TAS2R1: variants seen among roughly 807,000 people sequenced by gnomAD.
TAS2R1 encodes the protein taste 2 receptor member 1.
For missense variants in TAS2R1, 370 were observed against 353.4 expected (o/e 1.05, Z -0.38); for synonymous variants, 141 against 134.2 (o/e 1.05, Z -0.35).
chr5:9,866,730 A>G, the TAS2R1 span, among the ~76,000 whole-genome samples: 2 of 152,228 alleles, frequency 1.3e-5, no homozygotes, highest in African/African-American at 4.8e-5. Flanking sequence ...GTGAGACTAC[A>G]AAGAACTTTG....
intron 2 of TAS2R1, among the ~76,000 whole-genome samples, chr5:9,657,689 A>G (rs1025935405): frequency 6.6e-6 from 1 of 152,212 alleles, no homozygotes; most frequent in African/African-American, 2.4e-5. Flanking sequence ...AAGTTCCTAG[A>G]GTAGTTAAAT....
intron 1 of TAS2R1, chr5:9,659,622 A>G (rs945244057): frequency 1.3e-5 from 2 of 151,978 alleles, no homozygotes; most frequent in African/African-American, 4.8e-5. Context: ...TTAGCTATTT[A>G]AAGATACTAG....
the TAS2R1 span, among the ~76,000 whole-genome samples, chr5:9,776,703 C>A: frequency 1.3e-5 from 2 of 152,146 alleles, no homozygotes; most frequent in African/African-American, 4.8e-5. Flanking sequence ...TCCTGCTTGA[C>A]GTGGAAAGTG....
At chr5:9,681,636 T>C (rs1234073667) in intron 1 of TAS2R1, among the ~76,000 whole-genome samples, 3 of 151,936 alleles carry the variant, frequency 2.0e-5, no homozygotes, top group Admixed American at 1.3e-4. Flanking sequence ...AAATGGCTTA[T>C]CTTTGAAGAT....
the TAS2R1 span, among the ~76,000 whole-genome samples, chr5:9,886,137 T>G: frequency 6.6e-6 from 1 of 151,310 alleles, no homozygotes; most frequent in Non-Finnish European, 1.5e-5. Flanking sequence ...GTTCAAGCAA[T>G]TCTCCTGCCT....
chr5:9,884,331 G>C, the TAS2R1 span, among the ~76,000 whole-genome samples: 1 of 151,982 alleles, frequency 6.6e-6, no homozygotes, highest in Non-Finnish European at 1.5e-5. Flanking sequence ...AAAATTAGCT[G>C]GGTGTGGTGG....
intron 2 of TAS2R1, among the ~76,000 whole-genome samples, chr5:9,658,111 T>C (rs559401584): frequency 6.6e-6 from 1 of 152,286 alleles, no homozygotes; most frequent in Admixed American, 6.5e-5. Flanking sequence ...TACTTCTATA[T>C]TCTCAATCTA....
rs145238126 is a variant in TAS2R1, at chr5:9,628,030, G to A, written c.*1103C>T. ...CATCACGCCTGAACTACAAGTTACC[G>A]CTGAGCTTAAGAACATTTTTTACTT... On this transcript the variant is annotated 3_prime_UTR_variant, in exon 1 of 1. Transcript: ENST00000382492. 4.7e-3 allele frequency among the ~76,000 whole-genome samples: 721 copies of A among 152,204 alleles called. 3 individuals are homozygous for A. Among genetic ancestry groups the A allele is most frequent in the African/African-American group, 0.016 (683 of 41,506 alleles).
chr5:9,845,327 ATG>A, the TAS2R1 span, among the ~76,000 whole-genome samples: 8 of 152,254 alleles, frequency 5.3e-5, no homozygotes, highest in African/African-American at 1.9e-4. Context: ...ACAGATTAAC[ATG>A]TGTTATTAAA....
chr5:9,854,131 C>T, the TAS2R1 span, among the ~76,000 whole-genome samples: 1 of 152,154 alleles, frequency 6.6e-6, no homozygotes, highest in Non-Finnish European at 1.5e-5. Context: ...TCTGCTTCAG[C>T]CTCTCTAGCT....
rs769412659 is a variant in TAS2R1 at position 9,630,010 on chromosome 5, A to G, written c.23T>C (p.Ile8Thr). 1 of 1,580,212 alleles carries G rather than the reference A, an allele frequency of 6.3e-7. No individual in the cohort carries two copies. Among genetic ancestry groups the G allele is most frequent in the Non-Finnish European group, 8.6e-7 (1 of 1,167,604 alleles). ...TTGTATCACTGCAAGAAGAAAATAG[A>G]TAATGAGGTGAGACTCTAGCATTTT... is the stretch of plus-strand genomic sequence containing the variant. MLESHLI[I>T]YFLLAVIQFL... is the part of the protein sequence containing the mutation. Residue 8 changes from isoleucine to threonine, a missense_variant, in exon 1 of 1, where the codon ATC (isoleucine) becomes ACC (threonine). Transcript: ENST00000382492.
chr5:9,877,229 T>C, the TAS2R1 span, among the ~76,000 whole-genome samples: 48 of 152,342 alleles, frequency 3.2e-4, 1 homozygote, highest in African/African-American at 1.1e-3. Flanking sequence ...TGCATTTTCT[T>C]ATTTTTTAGA....
intron 1 of TAS2R1, among the ~76,000 whole-genome samples, chr5:9,698,721 A>T (rs2126523495): frequency 6.6e-6 from 1 of 152,336 alleles, no homozygotes; most frequent in South Asian, 2.1e-4. Flanking sequence ...AGTGTCCTGG[A>T]AATGCCATCT....
intron 1 of TAS2R1, among the ~76,000 whole-genome samples, chr5:9,702,949 GA>G (rs1741522390): frequency 6.6e-6 from 1 of 152,044 alleles, no homozygotes; most frequent in Non-Finnish European, 1.5e-5. Context: ...GGAGAGGCCA[GA>G]AAGAGAAAAA....
chr5:9,776,085 C>T, the TAS2R1 span, among the ~76,000 whole-genome samples: 3 of 152,178 alleles, frequency 2.0e-5, no homozygotes, highest in African/African-American at 7.2e-5. Context: ...CACTTTAGCC[C>T]ATGGTGGCAA....
At chr5:9,722,228 C>A in the TAS2R1 span, among the ~76,000 whole-genome samples, 1 of 152,220 alleles carries the variant, frequency 6.6e-6, no homozygotes, top group African/African-American at 2.4e-5. Flanking sequence ...ACCCCTGAGG[C>A]CACCATGTCT....
chr5:9,882,602 G>A, the TAS2R1 span, among the ~76,000 whole-genome samples: 1 of 152,138 alleles, frequency 6.6e-6, no homozygotes, highest in Admixed American at 6.5e-5. Context: ...CTCCAGCCTA[G>A]GTGACAGAGC....
At chr5:9,684,033 A>G (rs1741079420) in intron 1 of TAS2R1, among the ~76,000 whole-genome samples, 1 of 152,226 alleles carries the variant, frequency 6.6e-6, no homozygotes, top group South Asian at 2.1e-4. Context: ...AGGTTTGAGC[A>G]ATCCCACTAC....
the TAS2R1 span, among the ~76,000 whole-genome samples, chr5:9,885,863 A>G: frequency 6.6e-6 from 1 of 152,292 alleles, no homozygotes; most frequent in Admixed American, 6.5e-5. Flanking sequence ...CACAGTGATC[A>G]TTTGAAAACT....
Sources: gnomAD v4.1 joint callset for allele counts (sites outside exome capture counted in the v4.1 genomes callset) on GRCh38, gnomAD v4.1.1 for gene constraint, MANE v1.5 for transcripts, NCBI Gene and HGNC (gene_info 2026-07-23, HGNC 2026-07-21) for gene names.